TEX26: variants seen among roughly 807,000 people sequenced by gnomAD.
The protein encoded by TEX26 is testis expressed 26.
TEX26 carries 34 observed loss-of-function variants against 35.3 expected under a neutral mutation model. The observed-to-expected ratio is 0.96, with a 90% CI of 0.73 to 1.28. The LOEUF (loss-of-function observed/expected upper bound fraction) is 1.28. Ranked by LOEUF, TEX26 falls within the 50% of genes most tolerant of loss-of-function variation. The pLI is 0.00. For synonymous variants in TEX26, 136 were observed against 111.8 expected (o/e 1.22, Z -1.36); for missense variants, 371 against 330.1 (o/e 1.12, Z -0.96).
intron 4 of TEX26, among the ~76,000 whole-genome samples, chr13:30,960,460 G>A (rs1954293919): frequency 6.6e-6 from 1 of 152,126 alleles, no homozygotes; most frequent in Admixed American, 6.5e-5. Flanking sequence ...GCCCAGGCTG[G>A]TCTTGAACTC....
chr13:30,970,036 G>C (rs73455621), intron 6 of TEX26, among the ~76,000 whole-genome samples: 4,621 of 152,078 alleles, frequency 0.03, 229 homozygotes, highest in African/African-American at 0.11. Context: ...GCCTCCAGGT[G>C]CTGTCCCCAG....
At chr13:30,937,067 T>G (rs1953298666) in intron 1 of TEX26, 1 of 890,244 alleles carries the variant, frequency 1.1e-6, no homozygotes, top group Non-Finnish European at 1.3e-6. Flanking sequence ...AGATCAAGTG[T>G]GCATCCAAGC....
intron 1 of TEX26, among the ~76,000 whole-genome samples, chr13:30,935,440 A>T (rs935181005): frequency 1.3e-5 from 2 of 152,214 alleles, no homozygotes; most frequent in African/African-American, 4.8e-5. Context: ...TGAAGTCCAT[A>T]AAAACCCTGG....
chr13:30,939,597 G>A, intron 1 of TEX26, 97 bp from the exon 2 acceptor site: 2 of 1,109,142 alleles, frequency 1.8e-6, no homozygotes, highest in Non-Finnish European at 2.7e-6. Flanking sequence ...CATCCAAAAT[G>A]TTTTTTTCTC....
chr13:30,971,703 T>C (rs1348027994), intron 6 of TEX26, among the ~76,000 whole-genome samples: 1 of 152,236 alleles, frequency 6.6e-6, no homozygotes, highest in African/African-American at 2.4e-5. Context: ...ACTAGTTATC[T>C]TTAGTGACTA....
At chr13:30,946,449 G>T (rs953330917) in intron 2 of TEX26, among the ~76,000 whole-genome samples, 11 of 151,902 alleles carry the variant, frequency 7.2e-5, no homozygotes, top group South Asian at 4.1e-4. Flanking sequence ...ATACTTCAAA[G>T]ATTTCATTTT....
At chr13:30,967,373 T>C (rs1854950) in intron 5 of TEX26, among the ~76,000 whole-genome samples, 105,369 of 152,124 alleles carry the variant, frequency 0.69, 37,198 homozygotes, top group African/African-American at 0.84. Context: ...AGTGCCCCTG[T>C]GTATCCACTT....
chr13:30,946,238 G>A (rs1310794513), intron 2 of TEX26, among the ~76,000 whole-genome samples: 1 of 151,726 alleles, frequency 6.6e-6, no homozygotes, highest in African/African-American at 2.4e-5. Context: ...GTTCTAGTCT[G>A]TTAAAACTTT....
chr13:30,959,945 A>C (rs557069033), intron 4 of TEX26, among the ~76,000 whole-genome samples: 36 of 152,364 alleles, frequency 2.4e-4, no homozygotes, highest in African/African-American at 7.9e-4. Context: ...TTAAAATGTC[A>C]TCTGTCTTCT....
At chr13:30,964,780 G>A (rs908931742) in intron 4 of TEX26, among the ~76,000 whole-genome samples, 1 of 152,192 alleles carries the variant, frequency 6.6e-6, no homozygotes, top group African/African-American at 2.4e-5. Flanking sequence ...AAGGACAAGA[G>A]CGTGAAAGTG....
At chr13:30,940,512 T>G (rs1953452051) in intron 2 of TEX26, among the ~76,000 whole-genome samples, 1 of 151,584 alleles carries the variant, frequency 6.6e-6, no homozygotes, top group African/African-American at 2.4e-5. Context: ...TTTTTGTATT[T>G]TTAGTAGAGA....
At chr13:30,963,305 G>A (rs920716848) in intron 4 of TEX26, among the ~76,000 whole-genome samples, 1 of 152,116 alleles carries the variant, frequency 6.6e-6, no homozygotes, top group Non-Finnish European at 1.5e-5. Flanking sequence ...GGAACCCTGG[G>A]GGGAGGCGTC....
At chr13:30,950,823 C>G (rs1246099421) in intron 2 of TEX26, among the ~76,000 whole-genome samples, 1 of 152,166 alleles carries the variant, frequency 6.6e-6, no homozygotes, top group Non-Finnish European at 1.5e-5. Context: ...ACCATGTTTC[C>G]CTTCACTGGG....
intron 1 of TEX26, 28 bp downstream of exon 1, chr13:30,932,804 G>A (rs773628177): frequency 1.9e-6 from 3 of 1,609,934 alleles, no homozygotes; most frequent in Admixed American, 1.7e-5. Context: ...GCCGGTCTGC[G>A]GGGCGGGGCT....
At chr13:30,952,596 T>C (rs1953967906) in intron 2 of TEX26, 64 bp from the exon 3 acceptor site, 3 of 1,315,096 alleles carry the variant, frequency 2.3e-6, no homozygotes, top group Non-Finnish European at 3.1e-6. Context: ...TGATTTGACA[T>C]GTGTACTTTT....
chr13:30,950,864 C>A (rs1341478354), intron 2 of TEX26, among the ~76,000 whole-genome samples: 1 of 152,078 alleles, frequency 6.6e-6, no homozygotes, highest in Admixed American at 6.5e-5. Context: ...GCTTATTCCT[C>A]GAGACAATGC....
intron 2 of TEX26, 102 bp downstream of exon 2, chr13:30,939,880 C>A (rs906947665): frequency 1.9e-6 from 2 of 1,053,610 alleles, no homozygotes; most frequent in East Asian, 5.2e-5. Context: ...AGAGAAGCTT[C>A]GTAAAAATGC....
chr13:30,969,087 A>G (rs1190052363), intron 6 of TEX26, 41 bp downstream of exon 6: 1 of 1,536,512 alleles, frequency 6.5e-7, no homozygotes, highest in Non-Finnish European at 8.8e-7. Context: ...AGATCACAAT[A>G]CATTGCTTTT....
chr13:30,971,920 C>A (rs1286974726), intron 6 of TEX26, among the ~76,000 whole-genome samples: 2 of 152,200 alleles, frequency 1.3e-5, no homozygotes, highest in East Asian at 3.8e-4. Flanking sequence ...GAAACTCCCA[C>A]AAATGGCCAT....
Sources: allele counts gnomAD v4.1 joint callset (sites outside exome capture counted in the v4.1 genomes callset), GRCh38; gene constraint gnomAD v4.1.1; transcripts MANE v1.5; gene names NCBI Gene and HGNC (gene_info 2026-07-23, HGNC 2026-07-21).